USP18: variants seen among roughly 807,000 people sequenced by gnomAD.
USP18 encodes ubl carboxyl-terminal hydrolase 18.
Under a neutral mutation model 48.7 loss-of-function variants are expected in USP18, and 11 were observed. That is an observed-to-expected ratio of 0.23 (90% CI 0.14 to 0.37). The LOEUF (loss-of-function observed/expected upper bound fraction) is 0.37. Among genes scored for constraint, USP18 ranks in the 10% least tolerant of loss-of-function variants. The pLI is 1.00. For missense variants in USP18, 285 were observed against 436.4 expected (o/e 0.65, Z 3.09); for synonymous variants, 114 against 163.2 (o/e 0.70, Z 2.30).
Position 18,157,691 on chromosome 22 carries a change from CA to C in USP18, c.31del (p.Ile11SerfsTer26), listed in dbSNP as rs1161705644. The part of the protein sequence containing the change: MSKAFGLLR[Q>X]ICQSILAESS... ...GAGCAAGGCGTTTGGGCTCCTGAGGCAAATCTGTCAGTCCATCCTGGCTGAG... is the reference window on the plus strand; with the variant it reads ...GAGCAAGGCGTTTGGGCTCCTGAGGCAATCTGTCAGTCCATCCTGGCTGAG... On this transcript the variant is annotated frameshift_variant, in exon 2 of 11. Transcript: ENST00000215794. LOFTEE classifies it high-confidence loss of function. 1.2e-6 allele frequency: 2 copies of C among 1,614,060 alleles called. No homozygotes were observed. Among genetic ancestry groups the C allele is most frequent in the Admixed American group, 3.3e-5 (2 of 60,006 alleles).
intron 2 of USP18, among the ~76,000 whole-genome samples, chr22:18,159,922 C>T (rs2123731270): frequency 6.6e-6 from 1 of 152,226 alleles, no homozygotes. Flanking sequence ...CGTGATCTGC[C>T]CGCCTCGGCC....
chr22:18,162,961 C>G (rs1929369376), intron 4 of USP18, among the ~76,000 whole-genome samples: 1 of 151,056 alleles, frequency 6.6e-6, no homozygotes, highest in Non-Finnish European at 1.5e-5. Context: ...TATCTTCACT[C>G]TTTTTCATTC....
At chr22:18,171,664 A>G (rs1929629988) in intron 8 of USP18, among the ~76,000 whole-genome samples, 2 of 151,940 alleles carry the variant, frequency 1.3e-5, no homozygotes, top group African/African-American at 2.4e-5. Context: ...AAAAAAAAAG[A>G]CACAAATATC....
chr22:18,155,576 C>T (rs891961942), intron 1 of USP18, among the ~76,000 whole-genome samples: 10 of 152,170 alleles, frequency 6.6e-5, no homozygotes, highest in African/African-American at 1.9e-4. Context: ...TGGGCCAGCG[C>T]GAGTTCCGAG....
At chr22:18,170,481 T>C (rs1401787274) in intron 7 of USP18, among the ~76,000 whole-genome samples, 1 of 152,194 alleles carries the variant, frequency 6.6e-6, no homozygotes, top group Non-Finnish European at 1.5e-5. Flanking sequence ...CGAGACCAGC[T>C]CCCTGGAGCA....
rs200414957 is a variant in USP18 at position 18,160,551 on chromosome 22, C to T, written c.254+283C>T. 2.8e-4 allele frequency among the ~76,000 whole-genome samples: 43 copies of T among 152,234 alleles called. No homozygotes were observed. In the East Asian group the frequency reaches 6.6e-3, roughly 23 times the overall value. On this transcript the variant is annotated intron_variant, in intron 3 of 10. Coordinates refer to ENST00000215794, the MANE Select transcript of USP18 (RefSeq NM_017414.4). ...TCTCCTGACCTCGTGATCCACCCAC[C>T]TCAGCTTCCCAAAGTGCTGGAATTA...
intron 1 of USP18, among the ~76,000 whole-genome samples, chr22:18,156,787 C>CT (rs1929159677): frequency 6.6e-6 from 1 of 152,238 alleles, no homozygotes; most frequent in African/African-American, 2.4e-5. Flanking sequence ...GACATGCCCC[C>CT]TTTAAGAACT....
intron 1 of USP18, among the ~76,000 whole-genome samples, chr22:18,155,176 A>G (rs532390281): frequency 3.3e-4 from 51 of 152,320 alleles, no homozygotes; most frequent in Non-Finnish European, 5.6e-4. Context: ...GGGCCACTGT[A>G]GTTGTCAGGT....
rs190597216 is a variant in USP18, at chr22:18,167,522, C to G, written c.480+188C>G. Among the ~76,000 whole-genome samples, 1,366 of 152,020 alleles carry G rather than the reference C, an allele frequency of 9.0e-3. 10 individuals are homozygous for G. The highest frequency in any genetic ancestry group is 0.014 in the Admixed American group (207 of 15,268). On this transcript the variant is annotated intron_variant, in intron 5 of 10. Coordinates refer to ENST00000215794, the MANE Select transcript of USP18 (RefSeq NM_017414.4). ...ACCATCCTGGCTAACACAGTGAAACCCTGTCTCTACTAAAAATACCAAAAA... is the reference window on the plus strand; with the variant it reads ...ACCATCCTGGCTAACACAGTGAAACGCTGTCTCTACTAAAAATACCAAAAA...
In USP18 at chr22:18,161,783, G is replaced by A. The variant is rs781688171; in HGVS notation, c.255-7G>A. On this transcript the variant is annotated splice_polypyrimidine_tract_variant and splice_region_variant and intron_variant, in intron 3 of 10. Coordinates refer to ENST00000215794, the MANE Select transcript of USP18 (RefSeq NM_017414.4). ...TAAGGAGGTTTCTGGCTGTTCTTGTGTGGCAGGATCACGGTGCCCAGGGGA... is the reference window on the plus strand; with the variant it reads ...TAAGGAGGTTTCTGGCTGTTCTTGTATGGCAGGATCACGGTGCCCAGGGGA... 6.9e-6 allele frequency: 11 copies of A among 1,589,768 alleles called. No individual in the cohort carries two copies. Among genetic ancestry groups the A allele is most frequent in the African/African-American group, 1.4e-5 (1 of 73,080 alleles).
chr22:18,165,916 C>T (rs1464818150), intron 4 of USP18, among the ~76,000 whole-genome samples: 1 of 151,820 alleles, frequency 6.6e-6, no homozygotes, highest in African/African-American at 2.4e-5. Flanking sequence ...CCACAACACA[C>T]CTTATGAAAA....
intron 2 of USP18, among the ~76,000 whole-genome samples, 157 bp downstream of exon 2, chr22:18,157,977 G>T (rs148880504): frequency 2.5e-3 from 381 of 152,266 alleles, no homozygotes; most frequent in Non-Finnish European, 3.8e-3. Context: ...CTGGGCCATA[G>T]TGAAACCCTA....
At chr22:18,156,095 G>A (rs1211184911) in intron 1 of USP18, among the ~76,000 whole-genome samples, 1 of 152,124 alleles carries the variant, frequency 6.6e-6, no homozygotes, top group South Asian at 2.1e-4. Flanking sequence ...TGCACCAGTC[G>A]ACCCTCTGAA....
chr22:18,159,303 G>A (rs1929254494), intron 2 of USP18, among the ~76,000 whole-genome samples: 1 of 151,970 alleles, frequency 6.6e-6, no homozygotes, highest in Admixed American at 6.6e-5. Context: ...TGGTCTTCCC[G>A]CCTCGGCCTC....
chr22:18,173,023 T>C (rs7287466), intron 8 of USP18, 127 bp from the exon 9 acceptor site: 98,757 of 1,424,722 alleles, frequency 0.069, 3,760 homozygotes, highest in African/African-American at 0.1. Flanking sequence ...GCCCACTGGC[T>C]GTGGGTCGGG....
At chr22:18,159,661 C>T (rs1246187125) in intron 2 of USP18, among the ~76,000 whole-genome samples, 1 of 141,986 alleles carries the variant, frequency 7.0e-6, no homozygotes, top group Non-Finnish European at 1.5e-5. Flanking sequence ...TGACACCTGG[C>T]TGATTTTTGG....
rs890312636 is a variant in USP18, at chr22:18,165,573, C to G, written c.401-1682C>G. The stretch of plus-strand genomic sequence containing the variant: ...TGCAAATATCACCTTTCGCCTACCC[C>G]TCTCCAGACATTCCCTGCTGGGCAA... On this transcript the variant is annotated intron_variant, in intron 4 of 10. Transcript: ENST00000215794. Among the ~76,000 whole-genome samples, 371 of 147,764 alleles carry G rather than the reference C, an allele frequency of 2.5e-3. 1 individual carries two copies. The highest frequency in any genetic ancestry group is 8.8e-3 in the African/African-American group (353 of 39,972).
In USP18 at chr22:18,167,921, G is replaced by A. The variant is rs751579468; in HGVS notation, c.512G>A (p.Arg171Gln). Reference sequence around the variant, plus strand: ...AGACTGCAGGCCCTGTATACGATCCGGGTGAAGGACTCCTTGATTTGCGTT... The same window carrying A: ...AGACTGCAGGCCCTGTATACGATCCAGGTGAAGGACTCCTTGATTTGCGTT... ...VERLQALYTI[R>Q]VKDSLICVDC... The change falls in exon 6 of 11, where the codon CGG becomes CAG. Residue 171 changes from arginine to glutamine, a missense_variant. Transcript: ENST00000215794. 6.2e-6 allele frequency: 10 copies of A among 1,613,930 alleles called. No homozygotes were observed. Among genetic ancestry groups the A allele is most frequent in the East Asian group, 2.2e-5 (1 of 44,858 alleles).
intron 8 of USP18, among the ~76,000 whole-genome samples, chr22:18,172,922 C>CTCA (rs3984792): frequency 0.12 from 16,609 of 136,596 alleles, 1,326 homozygotes; most frequent in South Asian, 0.16. Flanking sequence ...CTCTCATGAC[C>CTCA]TGCCTTCCAT....
Sources: gnomAD v4.1 joint callset for allele counts (sites outside exome capture counted in the v4.1 genomes callset) on GRCh38, gnomAD v4.1.1 for gene constraint, MANE v1.5 for transcripts, NCBI Gene and HGNC (gene_info 2026-07-23, HGNC 2026-07-21) for gene names.